Variants in ADGRL2 observed in about 807,000 individuals in gnomAD.
The protein encoded by ADGRL2 is calcium-independent alpha-latrotoxin receptor 2.
A neutral mutation model predicts 157.4 loss-of-function variants in ADGRL2; 44 were observed. The ratio of observed to expected loss-of-function variants is 0.28; its 90% CI spans 0.22 to 0.36. The LOEUF (loss-of-function observed/expected upper bound fraction) is 0.36, where lower values mean the gene tolerates loss of function less well. Among genes scored for constraint, ADGRL2 ranks in the 10% least tolerant of loss-of-function variants. The probability of loss-of-function intolerance (pLI) is 1.00; values close to 1 mark genes in which losing one functional copy is unlikely to be tolerated. For synonymous variants in ADGRL2, 585 were observed against 624.7 expected, an observed-to-expected ratio of 0.94 and a Z score of 0.95; for missense variants, 1,510 against 1,768.9, an observed-to-expected ratio of 0.85 and a Z score of 2.63.
intron 1 of ADGRL2, among the ~76,000 whole-genome samples, chr1:81,379,099 C>T (rs2076300431): frequency 6.6e-6 from 1 of 152,148 alleles, no homozygotes; most frequent in South Asian, 2.1e-4. Flanking sequence ...TCCTTCCCCA[C>T]CACCAAGCCA....
chr1:81,888,264 A>C (rs1242596571), intron 2 of ADGRL2, among the ~76,000 whole-genome samples: 1 of 152,180 alleles, frequency 6.6e-6, no homozygotes, highest in Non-Finnish European at 1.5e-5. Context: ...GACAGTGCTC[A>C]TACAACATAC....
At chr1:81,679,910 A>C (rs1225963813) in intron 3 of ADGRL2, among the ~76,000 whole-genome samples, 1 of 152,176 alleles carries the variant, frequency 6.6e-6, no homozygotes, top group Non-Finnish European at 1.5e-5. Flanking sequence ...TGGGACCCTC[A>C]AGAGCATTTC....
intron 2 of ADGRL2, among the ~76,000 whole-genome samples, chr1:81,874,195 A>G (rs2093770529): frequency 6.6e-6 from 1 of 152,128 alleles, no homozygotes; most frequent in Admixed American, 6.6e-5. Flanking sequence ...TTTGGAAACA[A>G]CTTAATTATG....
chr1:81,455,493 C>T (rs534024217), intron 2 of ADGRL2, among the ~76,000 whole-genome samples: 104 of 152,234 alleles, frequency 6.8e-4, no homozygotes, highest in Non-Finnish European at 1.3e-3. Flanking sequence ...ACAGAAATCC[C>T]GGTACTGAGC....
At chr1:81,381,670 A>G (rs770223894) in intron 1 of ADGRL2, among the ~76,000 whole-genome samples, 4 of 152,232 alleles carry the variant, frequency 2.6e-5, no homozygotes, top group Admixed American at 6.5e-5. Flanking sequence ...AACTTTTGAC[A>G]TAAACATGTT....
At chr1:81,645,273 T>G (rs1238131820) in intron 3 of ADGRL2, among the ~76,000 whole-genome samples, 1 of 151,684 alleles carries the variant, frequency 6.6e-6, no homozygotes, top group Non-Finnish European at 1.5e-5. Context: ...GTGCCTGTAG[T>G]CCTAGCTACT....
At chr1:81,654,295 TCTC>T (rs1191288712) in intron 3 of ADGRL2, among the ~76,000 whole-genome samples, 2 of 152,174 alleles carry the variant, frequency 1.3e-5, no homozygotes, top group Non-Finnish European at 2.9e-5. Flanking sequence ...TCAGCAGTGT[TCTC>T]TCAGTCACCC....
intron 2 of ADGRL2, among the ~76,000 whole-genome samples, chr1:81,862,891 G>A (rs1031353306): frequency 1.3e-5 from 2 of 152,022 alleles, no homozygotes; most frequent in Non-Finnish European, 2.9e-5. Context: ...AAACCAAAAT[G>A]TGTTTTGAAA....
chr1:81,798,179 T>C (rs544966231), upstream of ADGRL2, among the ~76,000 whole-genome samples: 3 of 152,268 alleles, frequency 2.0e-5, no homozygotes, highest in South Asian at 4.1e-4. Flanking sequence ...CCTGTATTGT[T>C]ATAAATTATG....
At chr1:81,772,788 T>A (rs2086428987) in intron 2 of ADGRL2, among the ~76,000 whole-genome samples, 1 of 151,912 alleles carries the variant, frequency 6.6e-6, no homozygotes, top group Admixed American at 6.6e-5. Flanking sequence ...AACAAGTAAA[T>A]ATTGTATTAA....
At chr1:81,430,144 G>T (rs908251237) in intron 1 of ADGRL2, among the ~76,000 whole-genome samples, 44 of 152,120 alleles carry the variant, frequency 2.9e-4, no homozygotes, top group African/African-American at 1.0e-3. Flanking sequence ...CCGCCAGCCT[G>T]GGCCTCCCAA....
At chr1:81,529,890 G>A (rs2148239373) in intron 2 of ADGRL2, among the ~76,000 whole-genome samples, 1 of 152,306 alleles carries the variant, frequency 6.6e-6, no homozygotes, top group East Asian at 1.9e-4. Context: ...AAGGTTAAAT[G>A]ACACTAAATA....
At chr1:81,979,256 A>G (rs767945423) in intron 17 of ADGRL2, among the ~76,000 whole-genome samples, 1 of 151,846 alleles carries the variant, frequency 6.6e-6, no homozygotes, top group Non-Finnish European at 1.5e-5. Context: ...GTCAGAATGT[A>G]TCTACTTCCT....
Position 81,955,911 on chromosome 1 carries a change from C to G in ADGRL2, c.1868C>G (p.Pro623Arg). ...GACACAGTGGACAACCTTCTGAGACCCGAAGCTTTGGAATCATGGAAACAT... is the reference window on the plus strand; with the variant it reads ...GACACAGTGGACAACCTTCTGAGACGCGAAGCTTTGGAATCATGGAAACAT... Reference protein sequence around the residue: ...IVDTVDNLLRPEALESWKHMN... With the variant: ...IVDTVDNLLRREALESWKHMN... Residue 623 changes from proline (P) to arginine (R), a missense_variant, in exon 11 of 24, where the codon CCC becomes CGC. Around this residue, in one of 4 missense-constraint regions of ADGRL2, gnomAD observed 325 missense variants for 333.2 expected, o/e 0.98. Coordinates refer to ENST00000686636, the MANE Select transcript of ADGRL2 (RefSeq NM_001366006.2). 6.2e-7 allele frequency: 1 copy of G among 1,602,678 alleles called. No homozygotes were observed. The highest frequency in any genetic ancestry group is 8.5e-7 in the Non-Finnish European group (1 of 1,174,972).
chr1:81,938,262 A>G (rs17430222), intron 4 of ADGRL2, among the ~76,000 whole-genome samples: 5,643 of 151,780 alleles, frequency 0.037, 156 homozygotes, highest in Middle Eastern at 0.11. Flanking sequence ...TGAATTTAGC[A>G]TGGTTTCTGT....
chr1:81,500,091 T>C (rs548667805), intron 2 of ADGRL2, among the ~76,000 whole-genome samples: 1 of 152,284 alleles, frequency 6.6e-6, no homozygotes, highest in African/African-American at 2.4e-5. Flanking sequence ...GGATAAAGTA[T>C]TTATGAAACA....
chr1:81,411,655 G>T (rs1309768458), intron 1 of ADGRL2, among the ~76,000 whole-genome samples: 3 of 152,150 alleles, frequency 2.0e-5, no homozygotes, highest in South Asian at 2.1e-4. Flanking sequence ...CACTTTGGGA[G>T]GCTGAGGTGG....
chr1:81,709,368 C>T (rs1282157733), intron 1 of ADGRL2, among the ~76,000 whole-genome samples: 2 of 152,132 alleles, frequency 1.3e-5, no homozygotes, highest in Non-Finnish European at 2.9e-5. Flanking sequence ...AATGGTGCTC[C>T]TTTCCTGCAA....
intron 1 of ADGRL2, among the ~76,000 whole-genome samples, chr1:81,714,845 T>G (rs2084055768): frequency 1.3e-5 from 2 of 149,916 alleles, no homozygotes; most frequent in South Asian, 2.2e-4. Context: ...GGTTTGGGCA[T>G]GTTTTGTTTT....
Sources: gnomAD v4.1 joint callset for allele counts (sites outside exome capture counted in the v4.1 genomes callset) on GRCh38, gnomAD v4.1.1 for gene constraint, gnomAD v4.1.1 regional missense constraint, MANE v1.5 for transcripts, NCBI Gene and HGNC (gene_info 2026-07-23, HGNC 2026-07-21) for gene names.